Variants in KDM4C observed in about 807,000 individuals in gnomAD.
KDM4C encodes the protein lysine demethylase 4C.
A neutral mutation model predicts 129.3 loss-of-function variants in KDM4C; 81 were observed. The ratio of observed to expected loss-of-function variants is 0.63; its 90% CI spans 0.52 to 0.75. KDM4C has a LOEUF of 0.75. KDM4C is among the 30% of genes least tolerant of loss of function. The pLI, the probability that KDM4C is intolerant of heterozygous loss-of-function variation, is 0.00. For synonymous variants in KDM4C, 573 were observed against 456.1 expected (o/e 1.26, Z -3.26); for missense variants, 1,457 against 1,304.0 (o/e 1.12, Z -1.81).
chr9:6,891,472 A>G (rs1846109162), intron 7 of KDM4C, among the ~76,000 whole-genome samples: 1 of 152,232 alleles, frequency 6.6e-6, no homozygotes, highest in African/African-American at 2.4e-5. Flanking sequence ...CTGTAGAGAC[A>G]GAAGATAAAT....
chr9:6,943,667 C>T (rs1264960316), intron 8 of KDM4C, among the ~76,000 whole-genome samples: 6 of 139,600 alleles, frequency 4.3e-5, no homozygotes, highest in African/African-American at 1.6e-4. Context: ...ATAGGGAAAT[C>T]TTGTCTCAAA....
intron 8 of KDM4C, among the ~76,000 whole-genome samples, chr9:6,902,341 A>G (rs954204781): frequency 8.5e-5 from 13 of 152,186 alleles, no homozygotes; most frequent in Admixed American, 5.2e-4. Flanking sequence ...AGTAGATGTT[A>G]AAGATAGGAA....
rs569571757 is a variant in KDM4C at position 7,024,024 on chromosome 9, G to T, written c.2259+8095G>T. On this transcript the variant is annotated intron_variant, in intron 15 of 21. Transcript: ENST00000381309. ...TGATATTATTGCACTTTTTTTGAAC[G>T]TTTGAAGACAAGTTTTGTGACCTAA... 7.9e-5 allele frequency among the ~76,000 whole-genome samples: 12 copies of T among 152,166 alleles called. No individual in the cohort carries two copies. The Middle Eastern group carries it at 0.017, about 216-fold the overall frequency.
At chr9:6,994,840 A>G (rs1379681009) in intron 12 of KDM4C, among the ~76,000 whole-genome samples, 1 of 152,196 alleles carries the variant, frequency 6.6e-6, no homozygotes, top group Non-Finnish European at 1.5e-5. Flanking sequence ...TCAGTTTTGT[A>G]TCTTGACAGA....
At position 6,991,054 on chromosome 9, in the gene KDM4C, T is replaced by G. The variant is rs551225370; in HGVS notation, c.1786+530T>G. Among the ~76,000 whole-genome samples the G allele has an allele frequency of 1.1e-4, 16 of 152,254 alleles. 1 individual carries two copies. The South Asian group carries it at 2.7e-3, about 26-fold the overall frequency. ...TTCATTTACAATCATTTACCATTCC[T>G]AGATGTAAATTTATCTTTTTCCCCC... On this transcript the variant is annotated intron_variant, in intron 12 of 21. Transcript: ENST00000381309.
chr9:6,991,653 T>C (rs1818770209), intron 12 of KDM4C, among the ~76,000 whole-genome samples: 2 of 152,154 alleles, frequency 1.3e-5, no homozygotes, highest in Admixed American at 6.5e-5. Flanking sequence ...GTTTCTTGTT[T>C]AAATAAATTT....
At chr9:6,992,271 G>C (rs376275722) in intron 12 of KDM4C, among the ~76,000 whole-genome samples, 2 of 152,148 alleles carry the variant, frequency 1.3e-5, no homozygotes, top group South Asian at 2.1e-4. Context: ...TTTTGATGTG[G>C]GCCATCATAA....
chr9:6,771,528 C>G (rs917021651), intron 1 of KDM4C, among the ~76,000 whole-genome samples: 1 of 151,684 alleles, frequency 6.6e-6, no homozygotes, highest in African/African-American at 2.4e-5. Context: ...TCAGGCCGGT[C>G]TCGAACTCCT....
chr9:7,039,529 C>G (rs946724444), intron 15 of KDM4C, among the ~76,000 whole-genome samples: 58 of 152,076 alleles, frequency 3.8e-4, no homozygotes, highest in Middle Eastern at 6.8e-3. Flanking sequence ...GTGCTGACCC[C>G]CAGTTCAGCT....
At chr9:6,893,074 T>C (rs1846330186) in intron 7 of KDM4C, 21 bp from the exon 8 acceptor site, 1 of 1,469,262 alleles carries the variant, frequency 6.8e-7, no homozygotes, top group Admixed American at 2.5e-5. Flanking sequence ...TACAAAATAT[T>C]ATATGTTTCC....
intron 19 of KDM4C, among the ~76,000 whole-genome samples, chr9:7,151,478 T>C (rs552621168): frequency 6.6e-6 from 1 of 152,198 alleles, no homozygotes; most frequent in South Asian, 2.1e-4. Flanking sequence ...TGCCCAGCTA[T>C]GTTGCTGGGC....
At chr9:7,138,438 T>G (rs2129798538) in intron 19 of KDM4C, among the ~76,000 whole-genome samples, 1 of 152,360 alleles carries the variant, frequency 6.6e-6, no homozygotes, top group East Asian at 1.9e-4. Flanking sequence ...TACAATATGT[T>G]GAATAATGTT....
rs554469532 is a variant in KDM4C, at chr9:6,925,457, C to G, written c.921+32225C>G. Reference sequence around the variant, plus strand: ...CCCCTTTTCCTCTTCCCCCTTCCCCCTCTCCTCCCCTCTTTTCAAATAAGG... The same window carrying G: ...CCCCTTTTCCTCTTCCCCCTTCCCCGTCTCCTCCCCTCTTTTCAAATAAGG... On this transcript the variant is annotated intron_variant, in intron 8 of 21. Coordinates refer to ENST00000381309, the MANE Select transcript of KDM4C (RefSeq NM_015061.6). 622 of 363,850 alleles carry G rather than the reference C, an allele frequency of 1.7e-3. 6 individuals are homozygous for G. Among genetic ancestry groups the G allele is most frequent in the African/African-American group, 0.016 (551 of 34,282 alleles). 22.5% of individuals were successfully genotyped at this position (363,850 alleles called of 1,614,324 possible).
chr9:6,892,683 A>G (rs922573878), intron 7 of KDM4C, among the ~76,000 whole-genome samples: 2 of 152,218 alleles, frequency 1.3e-5, no homozygotes, highest in Non-Finnish European at 2.9e-5. Context: ...ATGTATTATC[A>G]AAGTTTCTGT....
intron 17 of KDM4C, chr9:7,077,029 C>T (rs1037284495): frequency 2.0e-6 from 2 of 985,334 alleles, no homozygotes; most frequent in African/African-American, 3.5e-5. Flanking sequence ...CTTCTTGCTG[C>T]ACAACAAAGC....
chr9:6,742,267 G>A (rs948889253), intron 1 of KDM4C, among the ~76,000 whole-genome samples: 1 of 151,102 alleles, frequency 6.6e-6, no homozygotes, highest in Admixed American at 6.6e-5. Context: ...GCCCGCCTTG[G>A]CCCCCCAGAG....
At chr9:6,824,611 C>T (rs1400640171) in intron 4 of KDM4C, among the ~76,000 whole-genome samples, 1 of 145,874 alleles carries the variant, frequency 6.9e-6, no homozygotes, top group Middle Eastern at 3.6e-3. Flanking sequence ...TAAGGCCGGG[C>T]GTGGTGGCTC....
At chr9:7,083,581 C>T (rs898743775) in intron 17 of KDM4C, among the ~76,000 whole-genome samples, 4 of 152,132 alleles carry the variant, frequency 2.6e-5, no homozygotes, top group African/African-American at 7.2e-5. Context: ...GCAGTTATAA[C>T]ACAATGCTAA....
At chr9:6,971,576 T>C (rs901960859) in intron 8 of KDM4C, among the ~76,000 whole-genome samples, 7 of 152,216 alleles carry the variant, frequency 4.6e-5, no homozygotes, top group Non-Finnish European at 7.3e-5. Context: ...ATGATGATTC[T>C]ACATTTTATT....
Sources: allele counts gnomAD v4.1 joint callset (sites outside exome capture counted in the v4.1 genomes callset), GRCh38; gene constraint gnomAD v4.1.1; transcripts MANE v1.5; gene names NCBI Gene and HGNC (gene_info 2026-07-23, HGNC 2026-07-21).